The following NRF1 variants were observed in gnomAD, a reference collection of about 807,000 sequenced individuals.
The protein encoded by NRF1 is nuclear respiratory factor 1.
A neutral mutation model predicts 58.5 loss-of-function variants in NRF1; 5 were observed. That is an observed-to-expected ratio of 0.09 (90% CI 0.04 to 0.18). The LOEUF is 0.18. Among genes scored for constraint, NRF1 ranks in the 10% least tolerant of loss-of-function variants. NRF1 has a pLI of 1.00. For missense variants in NRF1, 288 were observed against 657.7 expected (o/e 0.44, Z 6.15); for synonymous variants, 224 against 246.7 (o/e 0.91, Z 0.86).
intron 10 of NRF1, 92 bp from the exon 11 acceptor site, chr7:129,754,925 TA>T: frequency 7.6e-7 from 1 of 1,313,026 alleles, no homozygotes; most frequent in Non-Finnish European, 1.0e-6. Context: ...GTGACCACGA[TA>T]CCTCAAAGGC....
intron 10 of NRF1, among the ~76,000 whole-genome samples, chr7:129,732,964 A>C (rs1332793789): frequency 1.3e-5 from 2 of 151,428 alleles, no homozygotes; most frequent in African/African-American, 4.8e-5. Context: ...CCAGCTACTC[A>C]GGAGGCTGAG....
At chr7:129,643,368 CTTAT>C (rs1362698537) in intron 1 of NRF1, among the ~76,000 whole-genome samples, 2 of 152,150 alleles carry the variant, frequency 1.3e-5, no homozygotes, top group Non-Finnish European at 2.9e-5. Context: ...GTCCTTTGTG[CTTAT>C]TTGAGACTGG....
intron 10 of NRF1, among the ~76,000 whole-genome samples, chr7:129,745,672 C>T (rs1208291879): frequency 6.6e-6 from 1 of 152,136 alleles, no homozygotes; most frequent in Non-Finnish European, 1.5e-5. Context: ...GTCAACAGGC[C>T]TTGCAGTTAG....
intron 1 of NRF1, among the ~76,000 whole-genome samples, chr7:129,638,429 A>G (rs2151065986): frequency 6.6e-6 from 1 of 152,302 alleles, no homozygotes; most frequent in African/African-American, 2.4e-5. Flanking sequence ...GTGGATGATG[A>G]GCAGCTTTTG....
chr7:129,683,308 T>TGAGAGAGAGA (rs1249992360), intron 4 of NRF1, among the ~76,000 whole-genome samples: 2 of 143,000 alleles, frequency 1.4e-5, no homozygotes, highest in African/African-American at 5.3e-5. Context: ...TGTGTGTGTG[T>TGAGAGAGAGA]GTGTGTGTGT....
chr7:129,744,057 G>T, intron 10 of NRF1: 1 of 909,738 alleles, frequency 1.1e-6, no homozygotes, highest in Non-Finnish European at 1.6e-6. Flanking sequence ...GAGCGAGGCT[G>T]TGCACCCTGC....
At chr7:129,620,388 C>CTTT (rs10714338) in intron 1 of NRF1, among the ~76,000 whole-genome samples, 2 of 132,596 alleles carry the variant, frequency 1.5e-5, no homozygotes, top group Non-Finnish European at 1.6e-5. Flanking sequence ...AATCAAATCA[C>CTTT]TTTTTTTTTT....
chr7:129,688,070 T>G (rs1238457584), intron 4 of NRF1, among the ~76,000 whole-genome samples: 4 of 152,236 alleles, frequency 2.6e-5, no homozygotes, highest in Admixed American at 1.3e-4. Flanking sequence ...AGTAGTAACC[T>G]AATGATTTTC....
chr7:129,702,237 G>A (rs1245223724), intron 5 of NRF1, among the ~76,000 whole-genome samples: 1 of 152,110 alleles, frequency 6.6e-6, no homozygotes, highest in African/African-American at 2.4e-5. Context: ...GAGAAGGTAG[G>A]ACTTTAAGAG....
intron 10 of NRF1, among the ~76,000 whole-genome samples, chr7:129,747,127 G>A (rs1435354638): frequency 2.0e-5 from 3 of 152,288 alleles, no homozygotes; most frequent in Non-Finnish European, 4.4e-5. Flanking sequence ...GTTAGTTTCT[G>A]GAGGACTTCA....
At chr7:129,639,537 C>A (rs1235888996) in intron 1 of NRF1, among the ~76,000 whole-genome samples, 1 of 135,986 alleles carries the variant, frequency 7.4e-6, no homozygotes, top group Non-Finnish European at 1.5e-5. Context: ...CCCCTTGTCC[C>A]CACAACCCTT....
intron 4 of NRF1, among the ~76,000 whole-genome samples, chr7:129,689,624 C>T (rs1802517867): frequency 2.0e-5 from 3 of 152,186 alleles, no homozygotes; most frequent in African/African-American, 2.4e-5. Context: ...TGTTCATGAT[C>T]GAATGTGTGC....
At chr7:129,629,118 G>A (rs1055830144) in intron 1 of NRF1, among the ~76,000 whole-genome samples, 1 of 152,154 alleles carries the variant, frequency 6.6e-6, no homozygotes, top group Non-Finnish European at 1.5e-5. Flanking sequence ...TTTCCTTGAA[G>A]TGACAGACCC....
At chr7:129,635,707 A>G (rs1162472921) in intron 1 of NRF1, among the ~76,000 whole-genome samples, 6 of 152,168 alleles carry the variant, frequency 3.9e-5, no homozygotes, top group Admixed American at 2.0e-4. Flanking sequence ...GTCAGGATGC[A>G]TGCAAGGCCC....
chr7:129,646,024 AT>A (rs1801397896), intron 1 of NRF1, among the ~76,000 whole-genome samples: 1 of 151,958 alleles, frequency 6.6e-6, no homozygotes, highest in African/African-American at 2.4e-5. Flanking sequence ...TGATTTTTGT[AT>A]TTTTAGTAGA....
chr7:129,657,268 AT>A, intron 1 of NRF1, 77 bp from the exon 2 acceptor site: 1 of 1,093,776 alleles, frequency 9.1e-7, no homozygotes, highest in Non-Finnish European at 1.4e-6. Flanking sequence ...CTGCTCTTGA[AT>A]AAAATATCTC....
chr7:129,744,524 G>A (rs908494542), intron 10 of NRF1, among the ~76,000 whole-genome samples: 1 of 152,022 alleles, frequency 6.6e-6, no homozygotes, highest in South Asian at 2.1e-4. Flanking sequence ...TCGAACTGCT[G>A]GCCTCAAGTG....
intron 1 of NRF1, among the ~76,000 whole-genome samples, chr7:129,632,879 G>A (rs925002409): frequency 1.3e-5 from 2 of 152,132 alleles, no homozygotes; most frequent in African/African-American, 4.8e-5. Context: ...GCTATCCAGA[G>A]ATACTACAGT....
At position 129,755,121 on chromosome 7, in the gene NRF1, A is replaced by G; in HGVS notation, c.1452A>G (p.Ile484Met). 1.2e-6 allele frequency: 2 copies of G among 1,614,052 alleles called. No individual in the cohort carries two copies. The highest frequency in any genetic ancestry group is 1.7e-6 in the Non-Finnish European group (2 of 1,179,984). ...CCATGGCCCCTGTGACCACCAGGAT[A>G]TCAGACAGCGCAGTCACCATGGACG... is the stretch of plus-strand genomic sequence containing the variant. ...QVAMAPVTTR[I>M]SDSAVTMDGQ... The change falls in exon 11 of 11, where the codon ATA becomes ATG. Residue 484 changes from isoleucine (I) to methionine (M), a missense_variant. Physicochemically the swap from Ile to Met is conservative, Grantham distance 10 (BLOSUM62 1). Transcript: ENST00000393232. This position sits in a 1 kb window ranked among gnomAD's most constrained non-coding sequence, Gnocchi z 5.8.
Sources: allele counts gnomAD v4.1 joint callset (sites outside exome capture counted in the v4.1 genomes callset), GRCh38; gene constraint gnomAD v4.1.1; non-coding constraint Gnocchi (gnomAD v3.1); transcripts MANE v1.5; gene names NCBI Gene and HGNC (gene_info 2026-07-23, HGNC 2026-07-21).